LPIN1: variants seen among roughly 807,000 people sequenced by gnomAD.
LPIN1 encodes lipin 1.
A neutral mutation model predicts 107.5 loss-of-function variants in LPIN1; 71 were observed. The observed-to-expected ratio is 0.66, with a 90% confidence interval of 0.55 to 0.80. LPIN1 has a LOEUF of 0.80. LPIN1 is among the 30% of genes least tolerant of loss of function. LPIN1 has a pLI of 0.00. For missense variants in LPIN1, 1,043 were observed against 1,160.6 expected, an observed-to-expected ratio of 0.90 and a Z score of 1.47; for synonymous variants, 445 against 452.6, an observed-to-expected ratio of 0.98 and a Z score of 0.21.
At chr2:11,798,791 G>A (rs968762775) in intron 14 of LPIN1, among the ~76,000 whole-genome samples, 13 of 150,408 alleles carry the variant, frequency 8.6e-5, no homozygotes, top group Non-Finnish European at 1.6e-4. Flanking sequence ...AAAAAAAAAG[G>A]TGTCAGAATG....
At chr2:11,784,069 C>T (rs1674035315) in intron 9 of LPIN1, 147 bp downstream of exon 9, 2 of 1,335,910 alleles carry the variant, frequency 1.5e-6, no homozygotes, top group Non-Finnish European at 1.0e-6. Context: ...CTTTGGGAGG[C>T]TGAGGTGGGC....
At chr2:11,741,337 G>T in intron 1 of LPIN1, 1 of 1,523,532 alleles carries the variant, frequency 6.6e-7, no homozygotes, top group Non-Finnish European at 8.8e-7. Context: ...GAATGATGTC[G>T]TGTGTCCACA....
At chr2:11,815,040 G>A (rs1357930300) in intron 17 of LPIN1, 48 bp from the exon 18 acceptor site, 4 of 1,550,526 alleles carry the variant, frequency 2.6e-6, no homozygotes, top group African/African-American at 2.7e-5. Context: ...AATGCAGAAA[G>A]GTTCCATTTT....
chr2:11,758,261 G>GTT lies in LPIN1; in HGVS notation c.-9-7262_-9-7261dup, dbSNP rs372273564. On this transcript the variant is annotated intron_variant, in intron 1 of 20. Coordinates refer to ENST00000674199, the MANE Select transcript of LPIN1 (RefSeq NM_001349206.2). ...AATATCTTTTCGAGACCTGCTTTCAGTTTTTTTTTTTGATATATACCCGGG... is the reference window on the plus strand; with the variant it reads ...AATATCTTTTCGAGACCTGCTTTCAGTTTTTTTTTTTTTGATATATACCCGGG... Among the ~76,000 whole-genome samples, 1,459 of 147,346 alleles carry GTT rather than the reference G, an allele frequency of 9.9e-3. 20 individuals carry two copies. Among genetic ancestry groups the GTT allele is most frequent in the African/African-American group, 0.032 (1,308 of 40,536 alleles).
At chr2:11,780,472 T>A (rs1673401616) in intron 7 of LPIN1, among the ~76,000 whole-genome samples, 1 of 152,186 alleles carries the variant, frequency 6.6e-6, no homozygotes. Context: ...AATGAAAGAT[T>A]TCAGCCTAAT....
chr2:11,825,058 C>T lies in LPIN1; in HGVS notation c.*267C>T, dbSNP rs540184506. 16 of 503,040 alleles carry T rather than the reference C, an allele frequency of 3.2e-5. No individual in the cohort carries two copies. The highest frequency in any genetic ancestry group is 2.3e-4 in the South Asian group (11 of 47,686). The allele number at this position is 503,040 out of a possible 1,614,324, so 31.2% of individuals were successfully genotyped here. On this transcript the variant is annotated 3_prime_UTR_variant, in exon 21 of 21. Coordinates refer to ENST00000674199, the MANE Select transcript of LPIN1 (RefSeq NM_001349206.2). The surrounding 1 kb of genome is among the most constrained non-coding windows in gnomAD (Gnocchi z 4.1). ...CTCAGTTGTGGCTTAATGCCAGTTA[C>T]GACGCTGCCTTTCCGGCCTGCTCCA...
intron 1 of LPIN1, among the ~76,000 whole-genome samples, chr2:11,679,093 C>T (rs191364100): frequency 6.6e-6 from 1 of 152,344 alleles, no homozygotes; most frequent in Admixed American, 6.5e-5. Context: ...TCTCATGCCC[C>T]GCAGGACTGA....
At chr2:11,693,247 G>A (rs540932038) in intron 1 of LPIN1, among the ~76,000 whole-genome samples, 7 of 145,312 alleles carry the variant, frequency 4.8e-5, no homozygotes, top group Non-Finnish European at 8.9e-5. Flanking sequence ...AGGTCCAGCT[G>A]AAATTTCTGG....
At chr2:11,753,888 T>C (rs1048549397) in intron 1 of LPIN1, among the ~76,000 whole-genome samples, 3 of 152,238 alleles carry the variant, frequency 2.0e-5, no homozygotes, top group Non-Finnish European at 2.9e-5. Flanking sequence ...TCATTTGTCT[T>C]GTAAACCTCC....
intron 17 of LPIN1, among the ~76,000 whole-genome samples, chr2:11,805,694 G>A (rs1678553273): frequency 6.6e-6 from 1 of 152,144 alleles, no homozygotes; most frequent in Non-Finnish European, 1.5e-5. Flanking sequence ...TGGGAGAGGG[G>A]TTCTCCGACT....
chr2:11,754,818 G>A (rs1224160235), intron 1 of LPIN1, among the ~76,000 whole-genome samples: 1 of 152,110 alleles, frequency 6.6e-6, no homozygotes, highest in African/African-American at 2.4e-5. Context: ...CAGGCCTTCC[G>A]ACCCCCAATT....
intron 13 of LPIN1, among the ~76,000 whole-genome samples, chr2:11,794,848 A>G (rs1031036824): frequency 6.6e-6 from 1 of 152,188 alleles, no homozygotes; most frequent in Admixed American, 6.5e-5. Context: ...GAAGTTCTGA[A>G]TAGTTAAATG....
chr2:11,783,020 C>T (rs183653042), intron 8 of LPIN1, among the ~76,000 whole-genome samples: 6 of 152,340 alleles, frequency 3.9e-5, no homozygotes, highest in South Asian at 2.1e-4. Context: ...TTTCTCTCCT[C>T]GGCGCTTGGC....
intron 1 of LPIN1, among the ~76,000 whole-genome samples, chr2:11,736,483 C>T (rs1160129528): frequency 2.0e-5 from 3 of 152,178 alleles, no homozygotes; most frequent in Non-Finnish European, 4.4e-5. Flanking sequence ...CCCTCATGAG[C>T]TCATCTGAAC....
chr2:11,813,172 G>T (rs75120308), intron 17 of LPIN1, among the ~76,000 whole-genome samples: 1 of 152,130 alleles, frequency 6.6e-6, no homozygotes, highest in African/African-American at 2.4e-5. Context: ...CACGTACTGC[G>T]CAGTGGGTGT....
At chr2:11,700,563 G>T (rs1468605406) in intron 1 of LPIN1, among the ~76,000 whole-genome samples, 1 of 151,956 alleles carries the variant, frequency 6.6e-6, no homozygotes, top group Non-Finnish European at 1.5e-5. Context: ...CAGCCCCAGC[G>T]CAGGCCTCCC....
rs1663190676 is a variant in LPIN1, at chr2:11,707,624, T to G, written c.82-6132T>G. On this transcript the variant is annotated intron_variant, in intron 1 of 21. Coordinates refer to the LPIN1 transcript ENST00000449576. The surrounding 1 kb of genome is among the most constrained non-coding windows in gnomAD (Gnocchi z 4.2). ...GAGCTGCGGGAGAGAGCAGCGTGGC[T>G]GGGACTGGGTGGTGGTGCACGCACG... Among the ~76,000 whole-genome samples, 1 of 152,154 alleles carries G rather than the reference T, an allele frequency of 6.6e-6. No homozygotes were observed. The highest frequency in any genetic ancestry group is 1.5e-5 in the Non-Finnish European group (1 of 68,036).
chr2:11,768,403 T>TC (rs1396026073), intron 3 of LPIN1, among the ~76,000 whole-genome samples: 5 of 152,100 alleles, frequency 3.3e-5, no homozygotes, highest in African/African-American at 1.2e-4. Context: ...TCCCCTATAC[T>TC]CCACCTTCCA....
upstream of LPIN1, chr2:11,746,023 C>T (rs914245512): frequency 2.6e-5 from 4 of 152,322 alleles, no homozygotes; most frequent in African/African-American, 9.6e-5. Context: ...CAGGGAGCTG[C>T]CTGTCCCTCC....
Sources: allele counts gnomAD v4.1 joint callset (sites outside exome capture counted in the v4.1 genomes callset), GRCh38; gene constraint gnomAD v4.1.1; non-coding constraint Gnocchi (gnomAD v3.1); transcripts MANE v1.5; gene names NCBI Gene and HGNC (gene_info 2026-07-23, HGNC 2026-07-21).